The following NPFFR2 variants were observed in gnomAD, a reference collection of about 807,000 sequenced individuals.
NPFFR2 encodes neuropeptide FF receptor 2.
NPFFR2 carries 15 observed loss-of-function variants against 13.1 expected under a neutral mutation model. That is an observed-to-expected ratio of 1.15 (90% confidence interval 0.77 to 1.76). The LOEUF is 1.76. NPFFR2 is among the 40% of genes most tolerant of loss of function. NPFFR2 has a pLI of 0.00. For synonymous variants in NPFFR2, 190 were observed against 175.7 expected (o/e 1.08, Z -0.65); for missense variants, 572 against 503.5 (o/e 1.14, Z -1.30).
chr4:72,100,892 TTA>T (rs2109809815), intron 1 of NPFFR2, among the ~76,000 whole-genome samples: 1 of 152,158 alleles, frequency 6.6e-6, no homozygotes, highest in East Asian at 1.9e-4. Context: ...TGTATGGCTG[TTA>T]TCTTTTTAAA....
chr4:72,050,719 T>C (rs7672256), intron 1 of NPFFR2, among the ~76,000 whole-genome samples: 134,302 of 150,576 alleles, frequency 0.89, 61,007 homozygotes, highest in Non-Finnish European at 0.98. Context: ...CCCACTAACT[T>C]GTCATCTAGC....
rs370050336 is a variant in NPFFR2, at chr4:72,147,167, C to T, written c.618C>T (p.Cys206=). 45 of 1,613,980 alleles carry T rather than the reference C, an allele frequency of 2.8e-5. No homozygotes were observed. The highest frequency in any genetic ancestry group is 3.5e-5 in the Non-Finnish European group (41 of 1,180,014). The stretch of plus-strand genomic sequence containing the variant: ...ATAAAACCAGTCCAGTCTACTGGTG[C>T]CGGGAAGACTGGCCAAATCAGGAAA... ...SQNKTSPVYW[C]REDWPNQEMR... is the part of the protein sequence containing the mutation. The change falls in exon 4 of 4, where the codon TGC becomes TGT. Residue 206 remains cysteine (C), a synonymous_variant. Transcript: ENST00000308744.
intron 1 of NPFFR2, among the ~76,000 whole-genome samples, chr4:72,053,272 A>C (rs979466267): frequency 2.0e-5 from 3 of 151,842 alleles, no homozygotes; most frequent in Non-Finnish European, 4.4e-5. Flanking sequence ...GATGTTTCTC[A>C]AGCTCCCAGA....
At chr4:72,145,833 G>A (rs1031208068) in intron 3 of NPFFR2, among the ~76,000 whole-genome samples, 1 of 152,124 alleles carries the variant, frequency 6.6e-6, no homozygotes, top group Non-Finnish European at 1.5e-5. Flanking sequence ...AAAAATCAAA[G>A]AAGATTAAAT....
chr4:72,128,703 T>C lies in NPFFR2; in HGVS notation c.112T>C (p.Tyr38His). Residue 38 changes from tyrosine to histidine, a missense_variant, in exon 2 of 4, where the codon TAT (tyrosine) becomes CAT (histidine). Coordinates refer to ENST00000308744, the MANE Select transcript of NPFFR2 (RefSeq NM_004885.3). ...TATTAATATTACCTATGTGAACTACTATCTTCACCAGCCTCAAGTGGCAGC... is the reference window on the plus strand; with the variant it reads ...TATTAATATTACCTATGTGAACTACCATCTTCACCAGCCTCAAGTGGCAGC... The part of the protein sequence containing the change: ...SDINITYVNY[Y>H]LHQPQVAAIF... 6.2e-7 allele frequency: 1 copy of C among 1,614,068 alleles called. No individual in the cohort carries two copies. Among genetic ancestry groups the C allele is most frequent in the Non-Finnish European group, 8.5e-7 (1 of 1,179,908 alleles).
In NPFFR2 at chr4:72,136,301, G is replaced by C. The variant is rs554474495; in HGVS notation, c.329-1739G>C. On this transcript the variant is annotated intron_variant, in intron 2 of 3. Transcript: ENST00000308744. ...TGAGCCTGGGGACACAGTGGTGGTA[G>C]GAGCAGAGGGGTTAAGGCTACAGTG... is the stretch of plus-strand genomic sequence containing the variant. Among the ~76,000 whole-genome samples the C allele has an allele frequency of 1.9e-3, 287 of 152,200 alleles. 2 individuals carry two copies. The highest frequency in any genetic ancestry group is 6.5e-3 in the Admixed American group (100 of 15,276).
chr4:72,119,613 T>G (rs868002782), intron 1 of NPFFR2, among the ~76,000 whole-genome samples: 3 of 151,998 alleles, frequency 2.0e-5, no homozygotes, highest in Admixed American at 2.0e-4. Context: ...AGACAGTGGG[T>G]GCAGCCCACG....
In NPFFR2 at chr4:72,070,638, A is replaced by T. The variant is rs533080296; in HGVS notation, c.-8+38438A>T. On this transcript the variant is annotated intron_variant, in intron 1 of 3. Coordinates refer to ENST00000308744, the MANE Select transcript of NPFFR2 (RefSeq NM_004885.3). ...CAGAGTGTTTTGTGATAGTTATTTTATCAGACACAAATGCCTGAGGACCCT... is the reference window on the plus strand; with the variant it reads ...CAGAGTGTTTTGTGATAGTTATTTTTTCAGACACAAATGCCTGAGGACCCT... Among the ~76,000 whole-genome samples, 51 of 148,238 alleles carry T rather than the reference A, an allele frequency of 3.4e-4. No individual in the cohort carries two copies. The East Asian group carries it at 8.0e-3, about 23-fold the overall frequency.
intron 3 of NPFFR2, among the ~76,000 whole-genome samples, chr4:72,142,579 A>T (rs1401148261): frequency 6.6e-6 from 1 of 152,210 alleles, no homozygotes; most frequent in Admixed American, 6.5e-5. Context: ...ACCTGAGAAT[A>T]TCTACCTCTT....
At chr4:72,045,039 C>G (rs1237977179) in intron 1 of NPFFR2, among the ~76,000 whole-genome samples, 1 of 151,990 alleles carries the variant, frequency 6.6e-6, no homozygotes, top group Non-Finnish European at 1.5e-5. Context: ...AGATTTAAGT[C>G]TTTATTTCAT....
Position 72,128,815 on chromosome 4 carries a change from A to T in NPFFR2, c.224A>T (p.His75Leu). ...VVCFIVMRNK[H>L]MHTVTNLFIL... ...TGCTTTATTGTAATGAGGAACAAAC[A>T]TATGCACACAGTCACTAATCTCTTC... Residue 75 changes from histidine to leucine, a missense_variant, in exon 2 of 4, where the codon CAT (histidine) becomes CTT (leucine). Transcript: ENST00000308744. 6.2e-7 allele frequency: 1 copy of T among 1,614,088 alleles called. No homozygotes were observed. The highest frequency in any genetic ancestry group is 8.5e-7 in the Non-Finnish European group (1 of 1,179,974).
Position 72,131,571 on chromosome 4 carries a change from A to G in NPFFR2, c.328+2652A>G, listed in dbSNP as rs188196732. Reference sequence around the variant, plus strand: ...TGTAACTAACCTGCACAATGTGCACATGTACCCTAAAACTTAAAGTGTAAT... The same window carrying G: ...TGTAACTAACCTGCACAATGTGCACGTGTACCCTAAAACTTAAAGTGTAAT... On this transcript the variant is annotated intron_variant, in intron 2 of 3. Transcript: ENST00000308744. 5.0e-3 allele frequency among the ~76,000 whole-genome samples: 767 copies of G among 152,256 alleles called. 5 individuals are homozygous for G. Among genetic ancestry groups the G allele is most frequent in the African/African-American group, 0.018 (737 of 41,566 alleles).
chr4:72,091,312 C>T (rs986498465), intron 1 of NPFFR2, among the ~76,000 whole-genome samples: 26 of 151,976 alleles, frequency 1.7e-4, no homozygotes, highest in African/African-American at 6.3e-4. Flanking sequence ...ATTATTCTTT[C>T]CTGGTTTTGG....
At chr4:72,033,074 A>G (rs1205881371) in intron 1 of NPFFR2, among the ~76,000 whole-genome samples, 2 of 152,166 alleles carry the variant, frequency 1.3e-5, no homozygotes, top group African/African-American at 4.8e-5. Flanking sequence ...TCACATCCAA[A>G]TAACTTTCAA....
At position 72,039,695 on chromosome 4, in the gene NPFFR2, A is replaced by G. The variant is rs796373580; in HGVS notation, c.-8+7495A>G. Among the ~76,000 whole-genome samples the G allele has an allele frequency of 3.5e-4, 53 of 152,244 alleles. 1 individual carries two copies. The highest frequency in any genetic ancestry group is 1.2e-3 in the African/African-American group (51 of 41,560). ...ATTCACTTTGTTTCCAGAGGTTTCT[A>G]TCTTGTTGGGTTTTGTCACAAAACA... On this transcript the variant is annotated intron_variant, in intron 1 of 3. Coordinates refer to ENST00000308744, the MANE Select transcript of NPFFR2 (RefSeq NM_004885.3).
chr4:72,040,611 C>T (rs1452452833), intron 1 of NPFFR2, among the ~76,000 whole-genome samples: 1 of 152,038 alleles, frequency 6.6e-6, no homozygotes, highest in African/African-American at 2.4e-5. Context: ...TTTTCTTGGG[C>T]ACATTTTCTT....
At chr4:72,044,032 A>G (rs1719308471) in intron 1 of NPFFR2, among the ~76,000 whole-genome samples, 1 of 152,176 alleles carries the variant, frequency 6.6e-6, no homozygotes, top group Non-Finnish European at 1.5e-5. Flanking sequence ...TGCTGTTCAC[A>G]TGATAGTGAG....
At chr4:72,073,409 A>G (rs963629275) in intron 1 of NPFFR2, among the ~76,000 whole-genome samples, 5 of 152,048 alleles carry the variant, frequency 3.3e-5, no homozygotes, top group Non-Finnish European at 4.4e-5. Flanking sequence ...ACTGCCCTGC[A>G]AGAAATGCTT....
rs1578431747 is a variant in NPFFR2 at position 72,064,930 on chromosome 4, G to A, written c.-8+32730G>A. Among the ~76,000 whole-genome samples the A allele has an allele frequency of 2.0e-5, 3 of 152,186 alleles. No individual in the cohort carries two copies. In the East Asian group the frequency reaches 5.8e-4, roughly 29 times the overall value. ...ACTTGTTTCTTACTTCTTCTACACAGGCAAGATGCTGCTGGAGGGATGCTT... is the reference window on the plus strand; with the variant it reads ...ACTTGTTTCTTACTTCTTCTACACAAGCAAGATGCTGCTGGAGGGATGCTT... On this transcript the variant is annotated intron_variant, in intron 1 of 3. Coordinates refer to ENST00000308744, the MANE Select transcript of NPFFR2 (RefSeq NM_004885.3).
Sources: allele counts gnomAD v4.1 joint callset (sites outside exome capture counted in the v4.1 genomes callset), GRCh38; gene constraint gnomAD v4.1.1; transcripts MANE v1.5; gene names NCBI Gene and HGNC (gene_info 2026-07-23, HGNC 2026-07-21).